The following DPY19L2 variants were observed in gnomAD, a reference collection of about 807,000 sequenced individuals.
DPY19L2 encodes the protein probable C-mannosyltransferase DPY19L2.
Under a neutral mutation model 97.9 loss-of-function variants are expected in DPY19L2, and 34 were observed. That is an observed-to-expected ratio of 0.35 (90% CI 0.26 to 0.46). DPY19L2 has a LOEUF of 0.46. Ranked by LOEUF, DPY19L2 falls within the 20% of genes least tolerant of loss-of-function variation. DPY19L2 has a pLI of 1.00. For missense variants in DPY19L2, 623 were observed against 911.4 expected (o/e 0.68, Z 4.07); for synonymous variants, 230 against 307.9 (o/e 0.75, Z 2.65).
chr12:63,649,132 T>C (rs1893832706), intron 4 of DPY19L2, among the ~76,000 whole-genome samples: 1 of 152,010 alleles, frequency 6.6e-6, no homozygotes, highest in South Asian at 2.1e-4. Context: ...TTGAAACTAA[T>C]GAAAATAAAG....
At chr12:63,570,569 G>A (rs796818686) in intron 20 of DPY19L2, among the ~76,000 whole-genome samples, 189 bp downstream of exon 20, 9 of 152,126 alleles carry the variant, frequency 5.9e-5, no homozygotes, top group African/African-American at 1.9e-4. Flanking sequence ...TTGCTCCAGA[G>A]GCAACAGGTA....
chr12:63,570,971 A>G lies in DPY19L2; in HGVS notation c.1901-114T>C, dbSNP rs1351032590. ...AAGAAGGATGATGCCTATTTACATGACCATGGACCTCATTCTTTTATTGAC... is the reference window on the plus strand; with the variant it reads ...AAGAAGGATGATGCCTATTTACATGGCCATGGACCTCATTCTTTTATTGAC... On this transcript the variant is annotated intron_variant, in intron 19 of 21. Transcript: ENST00000324472. 7.0e-6 allele frequency: 7 copies of G among 1,003,310 alleles called. No homozygotes were observed. In the Admixed American group the frequency reaches 2.1e-4, roughly 30 times the overall value. 62.2% of individuals were successfully genotyped at this position (1,003,310 alleles called of 1,614,324 possible). A position where few individuals can be genotyped will look rare whatever the true frequency, so the allele number is the denominator to read the frequency against.
intron 19 of DPY19L2, among the ~76,000 whole-genome samples, chr12:63,573,556 G>C (rs1879281011): frequency 6.6e-6 from 1 of 152,094 alleles, no homozygotes; most frequent in Non-Finnish European, 1.5e-5. Flanking sequence ...ACTTCTCAAA[G>C]CTAGAGAAAA....
At chr12:63,631,986 C>A (rs1890773858) in intron 6 of DPY19L2, among the ~76,000 whole-genome samples, 1 of 152,050 alleles carries the variant, frequency 6.6e-6, no homozygotes, top group African/African-American at 2.4e-5. Flanking sequence ...TCAATAGATG[C>A]AGAAAAGGCC....
At chr12:63,595,926 T>C in intron 15 of DPY19L2, 40 bp downstream of exon 15, 8 of 1,513,374 alleles carry the variant, frequency 5.3e-6, no homozygotes, top group Non-Finnish European at 6.3e-6. Context: ...ATAGTCCTTA[T>C]ATTGATGCCA....
intron 10 of DPY19L2, 144 bp from the exon 11 acceptor site, chr12:63,617,534 T>G (rs536170411): frequency 7.1e-6 from 4 of 562,964 alleles, no homozygotes; most frequent in Non-Finnish European, 1.3e-5. Context: ...GAATTTCAAG[T>G]CACTGCTAGA....
chr12:63,619,346 C>T (rs1888319001), intron 9 of DPY19L2, among the ~76,000 whole-genome samples: 4 of 152,074 alleles, frequency 2.6e-5, no homozygotes, highest in Admixed American at 2.6e-4. Context: ...ACGAAAAACA[C>T]AATTAAGAAT....
chr12:63,648,619 C>G (rs11175098), intron 4 of DPY19L2, among the ~76,000 whole-genome samples: 100,390 of 151,606 alleles, frequency 0.66, 33,783 homozygotes, highest in East Asian at 0.87. Flanking sequence ...GTAGAGACAG[C>G]GTTTCACCAT....
intron 2 of DPY19L2, 37 bp from the exon 3 acceptor site, chr12:63,663,882 G>C (rs370998866): frequency 2.1e-6 from 3 of 1,412,388 alleles, no homozygotes; most frequent in Non-Finnish European, 2.9e-6. Flanking sequence ...CAATAAGAAC[G>C]AGTTTCAAAA....
chr12:63,595,670 G>A (rs1285694855), intron 15 of DPY19L2, among the ~76,000 whole-genome samples: 1 of 152,106 alleles, frequency 6.6e-6, no homozygotes, highest in Non-Finnish European at 1.5e-5. Context: ...AATAATCCAG[G>A]ATTGTAAGTT....
chr12:63,633,231 A>G lies in DPY19L2; in HGVS notation c.804-6705T>C, dbSNP rs1241298499. Among the ~76,000 whole-genome samples the G allele has an allele frequency of 2.0e-5, 3 of 150,938 alleles. No individual in the cohort carries two copies. In the South Asian group the frequency reaches 6.2e-4, roughly 31 times the overall value. ...TTGACAAATGGGATCTAATTAAACT[A>G]CACAGCTTCTGCACGCAAAAGAAAC... On this transcript the variant is annotated intron_variant, in intron 6 of 21. Coordinates refer to ENST00000324472, the MANE Select transcript of DPY19L2 (RefSeq NM_173812.5).
At chr12:63,649,253 A>T (rs1187964751) in intron 4 of DPY19L2, among the ~76,000 whole-genome samples, 1 of 152,194 alleles carries the variant, frequency 6.6e-6, no homozygotes, top group East Asian at 1.9e-4. Context: ...ACAACCTAAC[A>T]TCACACCTAG....
intron 21 of DPY19L2, among the ~76,000 whole-genome samples, chr12:63,561,064 TA>T (rs1163447760): frequency 6.6e-6 from 1 of 152,134 alleles, no homozygotes; most frequent in Non-Finnish European, 1.5e-5. Flanking sequence ...TTTTTTAGCG[TA>T]AACTGCCTTG....
intron 3 of DPY19L2, 125 bp downstream of exon 3, chr12:63,663,633 C>T (rs1421403785): frequency 4.0e-6 from 3 of 748,350 alleles, no homozygotes; most frequent in Non-Finnish European, 6.4e-6. Context: ...AAATAATAAA[C>T]CTGGGTTATA....
chr12:63,587,833 A>C (rs1421145257), intron 16 of DPY19L2, among the ~76,000 whole-genome samples: 1 of 152,058 alleles, frequency 6.6e-6, no homozygotes, highest in African/African-American at 2.4e-5. Context: ...GGCCTCCCAA[A>C]GTGCTGGGAT....
At chr12:63,602,635 T>A (rs1207631487) in intron 12 of DPY19L2, among the ~76,000 whole-genome samples, 1 of 151,960 alleles carries the variant, frequency 6.6e-6, no homozygotes, top group Non-Finnish European at 1.5e-5. Flanking sequence ...TGAAGAAAAA[T>A]TCCTCAGAAC....
chr12:63,627,939 T>A (rs1360855133), intron 6 of DPY19L2, among the ~76,000 whole-genome samples: 3 of 152,114 alleles, frequency 2.0e-5, no homozygotes, highest in Non-Finnish European at 4.4e-5. Flanking sequence ...GATTTACCAT[T>A]TAATAAAGTT....
At chr12:63,668,561 C>T (rs1896612799), upstream of DPY19L2, 1 of 707,076 alleles carries the variant, frequency 1.4e-6, no homozygotes, top group Admixed American at 3.0e-5. Flanking sequence ...GGGGCGCATG[C>T]GTTGGAAGCC....
chr12:63,568,228 T>G (rs1448786918), intron 21 of DPY19L2, among the ~76,000 whole-genome samples: 1 of 152,040 alleles, frequency 6.6e-6, no homozygotes, highest in East Asian at 1.9e-4. Flanking sequence ...TCAAATTCAC[T>G]GCATTTTCTG....
Sources: allele counts gnomAD v4.1 joint callset (sites outside exome capture counted in the v4.1 genomes callset), GRCh38; gene constraint gnomAD v4.1.1; transcripts MANE v1.5; gene names NCBI Gene and HGNC (gene_info 2026-07-23, HGNC 2026-07-21).